The following AKAP7 variants were observed in gnomAD, a reference collection of about 807,000 sequenced individuals.
The protein encoded by AKAP7 is A kinase (PRKA) anchor protein 7.
A neutral mutation model predicts 39.5 loss-of-function variants in AKAP7; 39 were observed. That is an observed-to-expected ratio of 0.99 (90% CI 0.76 to 1.29). AKAP7 has a LOEUF of 1.29. Among genes scored for constraint, AKAP7 ranks in the 50% most tolerant of loss-of-function variants. The probability of loss-of-function intolerance (pLI) is 0.00; values close to 1 mark genes in which losing one functional copy is unlikely to be tolerated. For missense variants in AKAP7, 414 were observed against 407.7 expected (o/e 1.02, Z -0.13); for synonymous variants, 140 against 139.1 (o/e 1.01, Z -0.05).
chr6:131,154,789 A>G (rs1802270687), intron 2 of AKAP7, among the ~76,000 whole-genome samples: 1 of 152,126 alleles, frequency 6.6e-6, no homozygotes, highest in South Asian at 2.1e-4. Flanking sequence ...ACCAAAATCT[A>G]TGCACTATAT....
At chr6:131,234,653 G>A (rs1025964550) in intron 7 of AKAP7, among the ~76,000 whole-genome samples, 33 of 146,738 alleles carry the variant, frequency 2.2e-4, no homozygotes, top group African/African-American at 7.5e-4. Flanking sequence ...TTATATGTAC[G>A]CTTTTATTTC....
chr6:131,148,469 A>AC (rs1270679208), intron 2 of AKAP7, among the ~76,000 whole-genome samples: 7 of 83,226 alleles, frequency 8.4e-5, no homozygotes, highest in Non-Finnish European at 1.5e-4. Flanking sequence ...GTGGATAAAA[A>AC]TTCCCCCCCC....
intron 7 of AKAP7, among the ~76,000 whole-genome samples, chr6:131,220,373 AGT>A (rs1809594484): frequency 1.3e-5 from 2 of 152,220 alleles, no homozygotes; most frequent in South Asian, 4.2e-4. Context: ...CCAGGTGGAA[AGT>A]GTGTACACTT....
At chr6:131,171,778 G>A (rs1448826388) in intron 5 of AKAP7, among the ~76,000 whole-genome samples, 2 of 152,180 alleles carry the variant, frequency 1.3e-5, no homozygotes, top group Admixed American at 6.5e-5. Context: ...ATCCATACTG[G>A]AGCACTTGTA....
Position 131,184,312 on chromosome 6 carries a change from G to C in AKAP7, c.589+15039G>C, listed in dbSNP as rs535960962. ...CAGCCTTAGATATGTCGGGGAGCAG[G>C]GGGGTGGCTATATCAAGAGGAGTTC... is the stretch of plus-strand genomic sequence containing the variant. On this transcript the variant is annotated intron_variant, in intron 5 of 7. Transcript: ENST00000431975. The C allele has an allele frequency of 1.5e-4, 91 of 613,148 alleles. 1 individual carries two copies. The East Asian group carries it at 2.4e-3, about 16-fold the overall frequency. 38.0% of individuals were successfully genotyped at this position (613,148 alleles called of 1,614,324 possible).
intron 2 of AKAP7, among the ~76,000 whole-genome samples, chr6:131,156,949 G>C (rs1488718174): frequency 6.6e-6 from 1 of 151,814 alleles, no homozygotes; most frequent in African/African-American, 2.4e-5. Context: ...TAATTTTTTT[G>C]TATTTTTAGT....
intron 5 of AKAP7, 121 bp from the exon 6 acceptor site, chr6:131,199,340 G>A (rs1807284704): frequency 1.5e-6 from 1 of 658,442 alleles, no homozygotes; most frequent in Non-Finnish European, 2.6e-6. Context: ...TGAAGCAGGT[G>A]TATAAAGTAA....
At chr6:131,238,584 G>T (rs538860696) in intron 7 of AKAP7, among the ~76,000 whole-genome samples, 2 of 152,216 alleles carry the variant, frequency 1.3e-5, no homozygotes, top group East Asian at 1.9e-4. Flanking sequence ...ATGAATCTGG[G>T]TGCTCCCATA....
At chr6:131,253,190 T>C in intron 7 of AKAP7, 1 of 1,269,052 alleles carries the variant, frequency 7.9e-7, no homozygotes, top group Non-Finnish European at 1.1e-6. Context: ...TAGAAATAAT[T>C]CTAATTTAAT....
intron 7 of AKAP7, among the ~76,000 whole-genome samples, chr6:131,254,542 T>A (rs1812695914): frequency 6.6e-6 from 1 of 152,240 alleles, no homozygotes; most frequent in Non-Finnish European, 1.5e-5. Context: ...TGTTGCTGAT[T>A]TTCCCATTTT....
intron 7 of AKAP7, among the ~76,000 whole-genome samples, chr6:131,239,978 G>T (rs1024260953): frequency 2.6e-5 from 4 of 152,094 alleles, no homozygotes; most frequent in Admixed American, 2.0e-4. Flanking sequence ...AGGAGGAGAG[G>T]CGCTCTGATT....
intron 7 of AKAP7, among the ~76,000 whole-genome samples, chr6:131,267,518 T>TCA (rs1813902665): frequency 1.3e-5 from 2 of 152,206 alleles, no homozygotes; most frequent in Admixed American, 6.5e-5. Flanking sequence ...AAATAGTTGA[T>TCA]ATGCAGACTC....
chr6:131,147,484 G>A (rs1584944441), intron 2 of AKAP7, among the ~76,000 whole-genome samples: 5 of 152,292 alleles, frequency 3.3e-5, no homozygotes, highest in African/African-American at 1.2e-4. Context: ...ATGTTTGTGA[G>A]TTTCACGGCT....
intron 3 of AKAP7, among the ~76,000 whole-genome samples, chr6:131,160,471 T>C (rs1156791618): frequency 6.6e-6 from 1 of 152,244 alleles, no homozygotes; most frequent in East Asian, 1.9e-4. Flanking sequence ...TTTGAACTCC[T>C]GGACTCAAGC....
At chr6:131,199,903 A>T (rs2128281503) in intron 6 of AKAP7, 1 of 278,560 alleles carries the variant, frequency 3.6e-6, no homozygotes, top group East Asian at 1.3e-4. Flanking sequence ...GCTTGTGGTT[A>T]TTTGCATCCT....
At chr6:131,279,099 C>A (rs901999348) in intron 7 of AKAP7, among the ~76,000 whole-genome samples, 1 of 152,024 alleles carries the variant, frequency 6.6e-6, no homozygotes. Context: ...TTATACCTGG[C>A]ACATTGAAGA....
At chr6:131,237,051 A>G (rs941736413) in intron 7 of AKAP7, among the ~76,000 whole-genome samples, 32 of 152,102 alleles carry the variant, frequency 2.1e-4, no homozygotes, top group African/African-American at 7.5e-4. Context: ...TTTGTCATAG[A>G]TGGCTCTTAT....
At chr6:131,209,373 C>G (rs1224313649) in intron 6 of AKAP7, among the ~76,000 whole-genome samples, 2 of 152,068 alleles carry the variant, frequency 1.3e-5, no homozygotes, top group Non-Finnish European at 2.9e-5. Flanking sequence ...GCCTCAGCCT[C>G]CTGAATAGCT....
chr6:131,191,219 A>T (rs1198524577), intron 5 of AKAP7, among the ~76,000 whole-genome samples: 2 of 152,278 alleles, frequency 1.3e-5, no homozygotes, highest in East Asian at 1.9e-4. Context: ...CTAATATTTG[A>T]CTGTTTTTGA....
Sources: gnomAD v4.1 joint callset for allele counts (sites outside exome capture counted in the v4.1 genomes callset) on GRCh38, gnomAD v4.1.1 for gene constraint, MANE v1.5 for transcripts, NCBI Gene and HGNC (gene_info 2026-07-23, HGNC 2026-07-21) for gene names.